Variants in PDE1C observed in about 807,000 individuals in gnomAD.
The protein encoded by PDE1C is dual specificity calcium/calmodulin-dependent 3',5'-cyclic nucleotide phosphodiesterase 1C.
PDE1C carries 62 observed loss-of-function variants against 93.1 expected under a neutral mutation model. The ratio of observed to expected loss-of-function variants is 0.67; its 90% CI spans 0.54 to 0.82. The LOEUF (loss-of-function observed/expected upper bound fraction) is 0.82. PDE1C is among the 40% of genes least tolerant of loss of function. PDE1C has a pLI of 0.00. For missense variants in PDE1C, 742 were observed against 884.6 expected (o/e 0.84, Z 2.04); for synonymous variants, 325 against 310.1 (o/e 1.05, Z -0.50).
intron 16 of PDE1C, among the ~76,000 whole-genome samples, chr7:31,797,198 C>A (rs1044801668): frequency 6.6e-6 from 1 of 151,674 alleles, no homozygotes; most frequent in East Asian, 1.9e-4. Context: ...GTTCTTATGA[C>A]GACTTAATTG....
chr7:31,693,426 T>C, the PDE1C span, among the ~76,000 whole-genome samples: 2 of 152,178 alleles, frequency 1.3e-5, no homozygotes, highest in African/African-American at 4.8e-5. Flanking sequence ...TAAAATTGTG[T>C]TTGCAGCCAG....
chr7:31,961,049 T>C (rs1489645988), intron 2 of PDE1C, among the ~76,000 whole-genome samples: 1 of 152,114 alleles, frequency 6.6e-6, no homozygotes, highest in African/African-American at 2.4e-5. Flanking sequence ...GTAAAGAAAG[T>C]GTCACTTTCT....
At chr7:32,332,544 A>C (rs926128990) in intron 1 of PDE1C, among the ~76,000 whole-genome samples, 2 of 152,174 alleles carry the variant, frequency 1.3e-5, no homozygotes, top group African/African-American at 2.4e-5. Context: ...GTGTTTATCC[A>C]ACAGAAATAT....
chr7:31,698,755 G>C, the PDE1C span, among the ~76,000 whole-genome samples: 2 of 152,200 alleles, frequency 1.3e-5, no homozygotes, highest in African/African-American at 4.8e-5. Flanking sequence ...AATAAATCTA[G>C]TTAGATGAAG....
chr7:31,964,233 C>G lies in PDE1C; in HGVS notation c.129-83373G>C, dbSNP rs185463661. Among the ~76,000 whole-genome samples the G allele has an allele frequency of 2.2e-3, 338 of 152,316 alleles. 1 individual carries two copies. The highest frequency in any genetic ancestry group is 4.2e-3 in the Non-Finnish European group (285 of 68,030). On this transcript the variant is annotated intron_variant, in intron 2 of 17. Coordinates refer to ENST00000396191, the MANE Select transcript of PDE1C (RefSeq NM_001191057.4). ...CAAAGAAAGGGATGACAGATGGCAC[C>G]TGGAAAATGGGGTCACTCCCACCCT...
chr7:32,308,226 C>A (rs1449820059), intron 1 of PDE1C, among the ~76,000 whole-genome samples: 1 of 152,246 alleles, frequency 6.6e-6, no homozygotes, highest in Non-Finnish European at 1.5e-5. Context: ...GTAAACAAAG[C>A]AGCCGGGAAG....
At chr7:31,658,353 A>G in the PDE1C span, 1 of 1,521,674 alleles carries the variant, frequency 6.6e-7, no homozygotes. Context: ...AAATAAAATC[A>G]AAAGACTTTC....
chr7:31,769,279 C>T (rs546930856), intron 17 of PDE1C, among the ~76,000 whole-genome samples: 19 of 152,126 alleles, frequency 1.2e-4, no homozygotes, highest in Admixed American at 2.6e-4. Context: ...CTACTGTTAC[C>T]AATGCAAATT....
At chr7:32,215,690 G>A (rs1806378534) in intron 1 of PDE1C, among the ~76,000 whole-genome samples, 1 of 152,190 alleles carries the variant, frequency 6.6e-6, no homozygotes, top group Non-Finnish European at 1.5e-5. Context: ...GAGAATAAAG[G>A]GGAAGCTAAG....
At chr7:31,758,627 G>A (rs555347824) in intron 17 of PDE1C, among the ~76,000 whole-genome samples, 2 of 152,178 alleles carry the variant, frequency 1.3e-5, no homozygotes, top group Non-Finnish European at 2.9e-5. Flanking sequence ...CTAACGTGAA[G>A]TAAAGAGTTG....
At chr7:31,839,564 T>C (rs527288759) in intron 9 of PDE1C, among the ~76,000 whole-genome samples, 114 of 152,342 alleles carry the variant, frequency 7.5e-4, no homozygotes, top group African/African-American at 2.6e-3. Flanking sequence ...TACCACAGTT[T>C]GTTATCCATT....
chr7:32,077,602 G>A (rs180964627), intron 3 of PDE1C, among the ~76,000 whole-genome samples: 46 of 150,920 alleles, frequency 3.0e-4, no homozygotes, highest in Admixed American at 1.8e-3. Context: ...ACAGAGTTTC[G>A]CTCTTGTTGC....
At chr7:32,152,891 A>G (rs1353971549) in intron 3 of PDE1C, among the ~76,000 whole-genome samples, 4 of 152,262 alleles carry the variant, frequency 2.6e-5, no homozygotes, top group African/African-American at 9.6e-5. Flanking sequence ...AATAAGGCAT[A>G]GATATTAAGA....
the PDE1C span, chr7:31,707,533 T>A: frequency 2.2e-6 from 1 of 447,964 alleles, no homozygotes; most frequent in Non-Finnish European, 3.9e-6. Flanking sequence ...AAACAGATCA[T>A]CCTAAATGAG....
chr7:31,941,994 T>C (rs1805919348), intron 2 of PDE1C, among the ~76,000 whole-genome samples: 1 of 152,202 alleles, frequency 6.6e-6, no homozygotes, highest in African/African-American at 2.4e-5. Flanking sequence ...CAAAGGATAA[T>C]ACTTCTAACA....
chr7:32,399,777 T>C (rs1784908520), intron 1 of PDE1C, among the ~76,000 whole-genome samples: 1 of 150,228 alleles, frequency 6.7e-6, no homozygotes, highest in Admixed American at 6.6e-5. Flanking sequence ...AGAGACAGGG[T>C]TTTGCCATTT....
chr7:32,268,969 C>T (rs1810787014), intron 1 of PDE1C, among the ~76,000 whole-genome samples: 1 of 152,164 alleles, frequency 6.6e-6, no homozygotes, highest in Non-Finnish European at 1.5e-5. Context: ...AGAAGAACCT[C>T]TCACAATTTA....
intron 3 of PDE1C, among the ~76,000 whole-genome samples, chr7:32,166,267 G>C (rs1802265281): frequency 6.6e-6 from 1 of 152,118 alleles, no homozygotes. Flanking sequence ...CAATAGAGTT[G>C]GAACTGAAAC....
chr7:32,202,677 CA>C (rs755809049), intron 2 of PDE1C, among the ~76,000 whole-genome samples: 1 of 152,132 alleles, frequency 6.6e-6, no homozygotes, highest in Non-Finnish European at 1.5e-5. Flanking sequence ...TGGGTCAACA[CA>C]AGTTGGGGTC....
Sources: allele counts gnomAD v4.1 joint callset (sites outside exome capture counted in the v4.1 genomes callset), GRCh38; gene constraint gnomAD v4.1.1; transcripts MANE v1.5; gene names NCBI Gene and HGNC (gene_info 2026-07-23, HGNC 2026-07-21).